The following PSMG2 variants were observed in gnomAD, a reference collection of about 807,000 sequenced individuals.
The protein encoded by PSMG2 is proteasome assembly chaperone 2, also known as CD40 ligand-activated specific transcript 3.
In PSMG2, 21 loss-of-function variants were observed where a neutral mutation model predicts 31.5. That is an observed-to-expected ratio of 0.67 (90% confidence interval 0.47 to 0.96). The LOEUF (loss-of-function observed/expected upper bound fraction) is 0.96. PSMG2 is among the 40% of genes least tolerant of loss of function. The probability of loss-of-function intolerance (pLI) is 0.00; values close to 1 mark genes in which losing one functional copy is unlikely to be tolerated. For missense variants in PSMG2, 318 were observed against 321.2 expected (o/e 0.99, Z 0.08); for synonymous variants, 120 against 110.4 (o/e 1.09, Z -0.54).
intron 3 of PSMG2, among the ~76,000 whole-genome samples, chr18:12,715,481 A>G (rs190575481): frequency 6.6e-5 from 10 of 152,186 alleles, no homozygotes; most frequent in African/African-American, 2.4e-4. Flanking sequence ...TTTTAGTGAC[A>G]TGGTTAACTG....
At chr18:12,693,755 C>T (rs1374466682) in intron 1 of PSMG2, among the ~76,000 whole-genome samples, 1 of 152,140 alleles carries the variant, frequency 6.6e-6, no homozygotes, top group East Asian at 1.9e-4. Context: ...TGCACTCCAA[C>T]CTGGCGACAG....
At chr18:12,668,590 T>C (rs1598606861) in intron 1 of PSMG2, among the ~76,000 whole-genome samples, 1 of 48,338 alleles carries the variant, frequency 2.1e-5, no homozygotes, top group African/African-American at 8.2e-5. Context: ...AGAGTAAGAT[T>C]CCATCTCAAA....
chr18:12,701,636 G>C (rs777957087), upstream of PSMG2, among the ~76,000 whole-genome samples: 3 of 152,264 alleles, frequency 2.0e-5, no homozygotes, highest in Non-Finnish European at 2.9e-5. Flanking sequence ...CACCATAAAT[G>C]GTCGCTTTTA....
chr18:12,697,139 TA>T, intron 1 of PSMG2: 1 of 1,033,512 alleles, frequency 9.7e-7, no homozygotes, highest in Non-Finnish European at 1.4e-6. Context: ...TCTTGGATTA[TA>T]AAAGCATTTT....
intron 1 of PSMG2, among the ~76,000 whole-genome samples, chr18:12,689,439 T>C (rs1191049635): frequency 1.3e-5 from 2 of 152,212 alleles, no homozygotes; most frequent in Non-Finnish European, 2.9e-5. Flanking sequence ...TTGAAAAGAC[T>C]GTTCACTTCT....
chr18:12,681,682 A>C (rs980037005), intron 1 of PSMG2, among the ~76,000 whole-genome samples: 4 of 152,172 alleles, frequency 2.6e-5, no homozygotes, highest in African/African-American at 9.7e-5. Flanking sequence ...ATTTCAAGAA[A>C]ATACATACAT....
At chr18:12,705,570 AGAGAGAGTGTGTGT>A (rs2040258895) in intron 1 of PSMG2, among the ~76,000 whole-genome samples, 1 of 126,210 alleles carries the variant, frequency 7.9e-6, no homozygotes, top group African/African-American at 2.8e-5. Context: ...AGAGAGAGAG[AGAGAGAGTGTGTGT>A]GTGTGTGTGT....
intron 1 of PSMG2, among the ~76,000 whole-genome samples, chr18:12,681,202 A>G (rs2039336373): frequency 6.6e-6 from 1 of 151,746 alleles, no homozygotes; most frequent in Admixed American, 6.6e-5. Context: ...TGTTTCCAAA[A>G]AAAAAAAAAA....
chr18:12,667,446 G>C (rs940866020), intron 1 of PSMG2, among the ~76,000 whole-genome samples: 3 of 152,074 alleles, frequency 2.0e-5, no homozygotes, highest in Non-Finnish European at 4.4e-5. Context: ...GACAGAGTGA[G>C]ACAGTCTCTT....
chr18:12,706,846 C>A, intron 2 of PSMG2, 125 bp downstream of exon 2: 2 of 950,320 alleles, frequency 2.1e-6, no homozygotes, highest in Non-Finnish European at 1.5e-6. Context: ...GTAGAGTTCA[C>A]AACCCAATCA....
In PSMG2 at chr18:12,697,796, T is replaced by C. The variant is rs73951123; in HGVS notation, c.-36-8754T>C. 6.7e-3 allele frequency among the ~76,000 whole-genome samples: 1,013 copies of C among 151,974 alleles called. 11 individuals carry two copies. Among genetic ancestry groups the C allele is most frequent in the African/African-American group, 0.022 (933 of 41,548 alleles). On this transcript the variant is annotated intron_variant, in intron 1 of 6. Coordinates refer to the PSMG2 transcript ENST00000585331. ...ACCTCCAGAAATTATCACTGTATAA[T>C]TGACATACAACTGAAAAATACAGCA...
chr18:12,673,160 G>C (rs2038990229), intron 1 of PSMG2: 2 of 1,201,280 alleles, frequency 1.7e-6, no homozygotes, highest in Non-Finnish European at 1.0e-6. Flanking sequence ...AAATTCCAGG[G>C]AGATTTATAC....
At chr18:12,719,960 G>T (rs1262981812) in intron 4 of PSMG2, among the ~76,000 whole-genome samples, 1 of 151,456 alleles carries the variant, frequency 6.6e-6, no homozygotes, top group Non-Finnish European at 1.5e-5. Context: ...CAGGTGATTT[G>T]CCTGCCTGGG....
At chr18:12,711,310 A>G (rs926971752) in intron 2 of PSMG2, among the ~76,000 whole-genome samples, 5 of 152,076 alleles carry the variant, frequency 3.3e-5, no homozygotes, top group Non-Finnish European at 2.9e-5. Context: ...TGAGGAGAGT[A>G]TTGCTATCAC....
intron 5 of PSMG2, among the ~76,000 whole-genome samples, chr18:12,721,672 C>G (rs1364370231): frequency 6.6e-6 from 1 of 151,926 alleles, no homozygotes; most frequent in African/African-American, 2.4e-5. Flanking sequence ...CTTTGAAGAA[C>G]CAGTTTTGAT....
rs573002540 is a variant in PSMG2 at position 12,717,196 on chromosome 18, A to G, written c.289-1321A>G. Among the ~76,000 whole-genome samples, 30 of 151,040 alleles carry G rather than the reference A, an allele frequency of 2.0e-4. No homozygotes were observed. In the South Asian group the frequency reaches 5.3e-3, roughly 27 times the overall value. On this transcript the variant is annotated intron_variant, in intron 3 of 6. Transcript: ENST00000317615. ...ACTCCTGGGCTCAAGTAGTCTGCCC[A>G]CCACGGCCTCCCAAAGTGTTGGGAT...
At chr18:12,696,387 C>T (rs2039958269) in intron 1 of PSMG2, among the ~76,000 whole-genome samples, 1 of 152,076 alleles carries the variant, frequency 6.6e-6, no homozygotes, top group Admixed American at 6.6e-5. Context: ...CCTGTAGTCC[C>T]AGCTACTTAG....
chr18:12,686,510 T>G, intron 1 of PSMG2: 1 of 1,186,844 alleles, frequency 8.4e-7, no homozygotes, highest in Non-Finnish European at 1.2e-6. Flanking sequence ...TTATGTTTTT[T>G]TCAAATACAT....
At chr18:12,672,645 C>G (rs1167718529) in intron 1 of PSMG2, 12 of 982,424 alleles carry the variant, frequency 1.2e-5, no homozygotes, top group African/African-American at 1.8e-5. Context: ...ACTGCAAGAT[C>G]ACAATTTATC....
Sources: allele counts gnomAD v4.1 joint callset (sites outside exome capture counted in the v4.1 genomes callset), GRCh38; gene constraint gnomAD v4.1.1; transcripts MANE v1.5; gene names NCBI Gene and HGNC (gene_info 2026-07-23, HGNC 2026-07-21).